The following GPC5 variants were observed in gnomAD, a reference collection of about 807,000 sequenced individuals.
GPC5 encodes glypican 5, also known as glypican-5.
Under a neutral mutation model 53.9 loss-of-function variants are expected in GPC5, and 47 were observed. That is an observed-to-expected ratio of 0.87 (90% CI 0.69 to 1.11). The LOEUF is 1.11. Ranked by LOEUF, GPC5 falls within the 50% of genes most tolerant of loss-of-function variation. The pLI is 0.00. For missense variants in GPC5, 748 were observed against 713.1 expected (o/e 1.05, Z -0.56); for synonymous variants, 286 against 263.3 (o/e 1.09, Z -0.84).
intron 2 of GPC5, among the ~76,000 whole-genome samples, chr13:91,647,881 A>T (rs1373674666): frequency 6.6e-6 from 1 of 152,174 alleles, no homozygotes; most frequent in Non-Finnish European, 1.5e-5. Context: ...TTTCTAACAC[A>T]CTGTATAAGG....
At chr13:92,750,686 G>A (rs1458343430) in intron 7 of GPC5, among the ~76,000 whole-genome samples, 1 of 152,096 alleles carries the variant, frequency 6.6e-6, no homozygotes, top group Non-Finnish European at 1.5e-5. Context: ...AATAATTCAG[G>A]CTCAGAATTT....
intron 7 of GPC5, among the ~76,000 whole-genome samples, chr13:92,355,781 A>G (rs2043516274): frequency 6.6e-6 from 1 of 152,100 alleles, no homozygotes. Flanking sequence ...TTCAATTTCA[A>G]GCACCCGCTC....
chr13:91,798,355 C>T (rs1226032392), intron 5 of GPC5, among the ~76,000 whole-genome samples: 11 of 152,108 alleles, frequency 7.2e-5, no homozygotes, highest in East Asian at 1.9e-4. Context: ...TGCCTCTCCC[C>T]GACAGCCCCC....
chr13:92,565,431 C>T (rs958639763), intron 7 of GPC5, among the ~76,000 whole-genome samples: 2 of 151,996 alleles, frequency 1.3e-5, no homozygotes, highest in African/African-American at 4.8e-5. Context: ...AAATAAAAAC[C>T]TGCCAACCTC....
chr13:92,373,014 T>A (rs1465518799), intron 7 of GPC5, among the ~76,000 whole-genome samples: 1 of 152,256 alleles, frequency 6.6e-6, no homozygotes, highest in African/African-American at 2.4e-5. Context: ...ATATTTACAC[T>A]GTTTATTTCA....
chr13:91,488,536 G>A (rs572213546), intron 2 of GPC5, among the ~76,000 whole-genome samples: 1 of 152,086 alleles, frequency 6.6e-6, no homozygotes, highest in Non-Finnish European at 1.5e-5. Flanking sequence ...AATTTCTTAT[G>A]CCTGTCATTA....
chr13:92,128,494 G>A (rs1380172403), intron 6 of GPC5, among the ~76,000 whole-genome samples: 6 of 152,288 alleles, frequency 3.9e-5, no homozygotes, highest in South Asian at 2.1e-4. Flanking sequence ...GGTTTCTAAA[G>A]ACCTGTAGGG....
At chr13:92,761,504 C>T (rs1160756184) in intron 7 of GPC5, among the ~76,000 whole-genome samples, 1 of 152,024 alleles carries the variant, frequency 6.6e-6, no homozygotes, top group East Asian at 1.9e-4. Flanking sequence ...GTCTTTAATT[C>T]AAAGTCTATT....
chr13:92,025,489 A>T (rs2040793687), intron 6 of GPC5, among the ~76,000 whole-genome samples: 1 of 152,148 alleles, frequency 6.6e-6, no homozygotes, highest in South Asian at 2.1e-4. Context: ...ATAAGCAGAT[A>T]AGCGGACAAA....
chr13:92,334,915 C>T (rs1016539246), intron 7 of GPC5, among the ~76,000 whole-genome samples: 2 of 152,252 alleles, frequency 1.3e-5, no homozygotes, highest in South Asian at 4.1e-4. Flanking sequence ...TACACTGCTT[C>T]TGTTCTGACT....
At chr13:92,584,494 G>T (rs1883472099) in intron 7 of GPC5, among the ~76,000 whole-genome samples, 1 of 152,226 alleles carries the variant, frequency 6.6e-6, no homozygotes, top group Middle Eastern at 3.4e-3. Flanking sequence ...AGGTGACTTG[G>T]GTGCTGTTAA....
chr13:92,632,772 A>G (rs1302417630), intron 7 of GPC5, among the ~76,000 whole-genome samples: 2 of 152,148 alleles, frequency 1.3e-5, no homozygotes, highest in Non-Finnish European at 2.9e-5. Flanking sequence ...TCTCAGTTCC[A>G]CGTGGCTAGG....
intron 6 of GPC5, among the ~76,000 whole-genome samples, chr13:92,015,338 C>A (rs1417570011): frequency 1.3e-5 from 2 of 152,110 alleles, no homozygotes; most frequent in Admixed American, 6.6e-5. Flanking sequence ...AAGGAAATAA[C>A]CCTTTTTCTA....
At chr13:91,816,422 G>C (rs1157999964) in intron 5 of GPC5, among the ~76,000 whole-genome samples, 4 of 152,090 alleles carry the variant, frequency 2.6e-5, no homozygotes, top group Non-Finnish European at 5.9e-5. Context: ...TGCTTTCAGG[G>C]AGGGAAAGGA....
chr13:91,515,603 C>T (rs1043651055), intron 2 of GPC5, among the ~76,000 whole-genome samples: 1 of 152,098 alleles, frequency 6.6e-6, no homozygotes, highest in African/African-American at 2.4e-5. Context: ...ATAAAAATAC[C>T]TTTCTATGGT....
intron 7 of GPC5, among the ~76,000 whole-genome samples, chr13:92,343,580 A>C (rs2043385131): frequency 1.3e-5 from 2 of 152,166 alleles, no homozygotes; most frequent in Admixed American, 6.6e-5. Flanking sequence ...GTATTGAAAC[A>C]TAATAATATA....
At chr13:92,022,939 G>C (rs555768119) in intron 6 of GPC5, among the ~76,000 whole-genome samples, 2 of 152,002 alleles carry the variant, frequency 1.3e-5, no homozygotes, top group Admixed American at 1.3e-4. Context: ...TTTTAATTTA[G>C]TGCTTCTTTA....
At chr13:92,363,246 A>G (rs1480934544) in intron 7 of GPC5, among the ~76,000 whole-genome samples, 1 of 151,648 alleles carries the variant, frequency 6.6e-6, no homozygotes, top group African/African-American at 2.4e-5. Context: ...TAGAGTAAAA[A>G]TCTTGTAATA....
chr13:91,528,241 A>T (rs1886177387), intron 2 of GPC5, among the ~76,000 whole-genome samples: 1 of 152,178 alleles, frequency 6.6e-6, no homozygotes, highest in Admixed American at 6.5e-5. Flanking sequence ...GTGAATGCAT[A>T]TGACTGTACG....
Sources: allele counts gnomAD v4.1 joint callset (sites outside exome capture counted in the v4.1 genomes callset), GRCh38; gene constraint gnomAD v4.1.1; transcripts MANE v1.5; gene names NCBI Gene and HGNC (gene_info 2026-07-23, HGNC 2026-07-21).